CYP2B6: variants seen among roughly 807,000 people sequenced by gnomAD.
CYP2B6 encodes cytochrome P450 2B6.
In CYP2B6, 35 loss-of-function variants were observed where a neutral mutation model predicts 43.4. That is an observed-to-expected ratio of 0.81 (90% CI 0.62 to 1.07). The LOEUF (loss-of-function observed/expected upper bound fraction) is 1.07, where lower values mean the gene tolerates loss of function less well. CYP2B6 is among the 50% of genes least tolerant of loss of function. CYP2B6 has a pLI of 0.00. For missense variants in CYP2B6, 624 were observed against 632.8 expected (o/e 0.99, Z 0.15); for synonymous variants, 239 against 239.2 (o/e 1.00, Z 0.01).
chr19:41,010,756 GTACCCA>G (rs113535769), intron 6 of CYP2B6, among the ~76,000 whole-genome samples: 5 of 152,170 alleles, frequency 3.3e-5, no homozygotes, highest in African/African-American at 1.2e-4. Flanking sequence ...AGTGTACATT[GTACCCA>G]TTAAGTAATT....
intron 4 of CYP2B6, chr19:41,007,399 G>GGA: frequency 3.1e-6 from 1 of 320,406 alleles, no homozygotes; most frequent in East Asian, 6.6e-5. Context: ...TGAAAGAGAG[G>GGA]GAGAGAGAGA....
At chr19:41,013,085 A>C in intron 8 of CYP2B6, 3 of 464,364 alleles carry the variant, frequency 6.5e-6, no homozygotes, top group Non-Finnish European at 1.2e-5. Flanking sequence ...AAAAAGAAAA[A>C]ATCTGTTGGG....
chr19:41,006,113 A>T (rs1969179178), intron 3 of CYP2B6, among the ~76,000 whole-genome samples: 1 of 152,014 alleles, frequency 6.6e-6, no homozygotes, highest in Non-Finnish European at 1.5e-5. Flanking sequence ...TGGAAAGAAG[A>T]GATTAAGGGG....
chr19:40,997,568 T>C (rs1201414258), intron 1 of CYP2B6, among the ~76,000 whole-genome samples: 2 of 152,172 alleles, frequency 1.3e-5, no homozygotes, highest in African/African-American at 2.4e-5. Flanking sequence ...ACAGAATACA[T>C]GGACATACAA....
chr19:41,014,855 G>C (rs544998819), intron 8 of CYP2B6, among the ~76,000 whole-genome samples: 1 of 150,784 alleles, frequency 6.6e-6, no homozygotes, highest in Admixed American at 6.6e-5. Flanking sequence ...AGGAGAGAGA[G>C]TAGGAAAAGG....
At position 41,018,255 on chromosome 19, in the gene CYP2B6, T is replaced by C. The variant is rs1969401180; in HGVS notation, c.*1428T>C. On this transcript the variant is annotated 3_prime_UTR_variant, in exon 9 of 9. Transcript: ENST00000324071. ...CTCATTCCCAGCTGCCTCTTCCTACTGCTTCCGTCTATCAAAAAGCCCCCT... is the reference window on the plus strand; with the variant it reads ...CTCATTCCCAGCTGCCTCTTCCTACCGCTTCCGTCTATCAAAAAGCCCCCT... 1 of 152,374 alleles carries C rather than the reference T, an allele frequency of 6.6e-6. No individual in the cohort carries two copies. 9.4% of individuals were successfully genotyped at this position (152,374 alleles called of 1,614,324 possible).
At chr19:40,993,558 C>T (rs777062356) in intron 1 of CYP2B6, among the ~76,000 whole-genome samples, 5 of 152,190 alleles carry the variant, frequency 3.3e-5, no homozygotes, top group East Asian at 1.9e-4. Flanking sequence ...TGGGGGAAAC[C>T]GCCCCCAGGA....
intron 3 of CYP2B6, 146 bp downstream of exon 3, chr19:41,004,592 A>G (rs1325375870): frequency 5.1e-5 from 46 of 899,078 alleles, no homozygotes; most frequent in Non-Finnish European, 1.8e-6. Flanking sequence ...GGATAGAGAC[A>G]GAGAGGGAGA....
intron 8 of CYP2B6, among the ~76,000 whole-genome samples, chr19:41,016,434 AG>A (rs1969366913): frequency 2.1e-5 from 1 of 48,726 alleles, no homozygotes; most frequent in Non-Finnish European, 3.5e-5. Context: ...AAAAAAAAAA[AG>A]AGAGAGAGAG....
intron 6 of CYP2B6, among the ~76,000 whole-genome samples, chr19:41,010,744 A>G (rs1381669971): frequency 1.3e-5 from 2 of 152,048 alleles, no homozygotes; most frequent in Non-Finnish European, 2.9e-5. Context: ...TATCACCCAA[A>G]CAGTGTACAT....
Position 41,007,060 on chromosome 19 carries a change from G to T in CYP2B6, c.640G>T (p.Gly214Cys). The T allele has an allele frequency of 6.2e-7, 1 of 1,614,038 alleles. No individual in the cohort carries two copies. Among genetic ancestry groups the T allele is most frequent in the Non-Finnish European group, 8.5e-7 (1 of 1,180,014 alleles). The change falls in exon 4 of 9, where the codon GGC becomes TGC. Residue 214 changes from glycine to cysteine, a missense_variant. Coordinates refer to ENST00000324071, the MANE Select transcript of CYP2B6 (RefSeq NM_000767.5). The part of the protein sequence containing the change: ...QTFSLISSVF[G>C]QLFELFSGFL... The stretch of plus-strand genomic sequence containing the variant: ...TTTTTCACTCATCAGCTCTGTATTC[G>T]GCCAGGTCAGGGAGACGGAGAGGGA...
In CYP2B6 at chr19:41,001,757, T is replaced by C. The variant is rs149157605; in HGVS notation, c.172-2244T>C. Among the ~76,000 whole-genome samples the C allele has an allele frequency of 5.0e-3, 767 of 152,284 alleles. 9 individuals are homozygous for C. Among genetic ancestry groups the C allele is most frequent in the African/African-American group, 0.017 (701 of 41,528 alleles). On this transcript the variant is annotated intron_variant, in intron 1 of 8. Transcript: ENST00000324071. ...TAGTCTAGGAATTGATGATGTGGCA[T>C]CTTGGACAAGACATACGAGGTCACT...
At position 41,006,907 on chromosome 19, in the gene CYP2B6, G is replaced by T. The variant is rs921240176; in HGVS notation, c.487G>T (p.Ala163Ser). The T allele has an allele frequency of 6.2e-7, 1 of 1,613,332 alleles. No homozygotes were observed. Among genetic ancestry groups the T allele is most frequent in the African/African-American group, 1.3e-5 (1 of 74,916 alleles). The change falls in exon 4 of 9, where the codon GCC (alanine) becomes TCC (serine). Residue 163 changes from alanine to serine, a missense_variant and splice_region_variant. Transcript: ENST00000324071. The stretch of plus-strand genomic sequence containing the variant: ...CTTGACCTGCTGCTTCTTCCTAGGG[G>T]CCCTCATGGACCCCACCTTCCTCTT... ...LIEELRKSKG[A>S]LMDPTFLFQS...
intron 8 of CYP2B6, among the ~76,000 whole-genome samples, chr19:41,013,678 G>C (rs998705028): frequency 6.6e-6 from 1 of 152,208 alleles, no homozygotes; most frequent in African/African-American, 2.4e-5. Flanking sequence ...AGGTGGAAAA[G>C]GTCTTGACGT....
rs755215477 is a variant in CYP2B6, at chr19:40,991,408, C to A, written c.103C>A (p.Arg35Ser). ...NTHDRLPPGP[R>S]PLPLLGNLLQ... Reference sequence around the variant, plus strand: ...CCATGACCGCCTCCCACCAGGGCCCCGCCCTCTGCCCCTTTTGGGAAACCT... The same window carrying A: ...CCATGACCGCCTCCCACCAGGGCCCAGCCCTCTGCCCCTTTTGGGAAACCT... Residue 35 changes from arginine (R) to serine (S), a missense_variant, in exon 1 of 9, where the codon CGC becomes AGC. Physicochemically the swap from Arg to Ser is moderately radical, Grantham distance 110 (BLOSUM62 -1). Transcript: ENST00000324071. 6.2e-7 allele frequency: 1 copy of A among 1,614,086 alleles called. No individual in the cohort carries two copies. The highest frequency in any genetic ancestry group is 8.5e-7 in the Non-Finnish European group (1 of 1,180,008).
At position 40,996,619 on chromosome 19, in the gene CYP2B6, A is replaced by G. The variant is rs973647873; in HGVS notation, c.171+5143A>G. 9.9e-5 allele frequency among the ~76,000 whole-genome samples: 15 copies of G among 152,116 alleles called. 1 individual carries two copies. Among genetic ancestry groups the G allele is most frequent in the African/African-American group, 3.6e-4 (15 of 41,368 alleles). On this transcript the variant is annotated intron_variant, in intron 1 of 8. Coordinates refer to ENST00000324071, the MANE Select transcript of CYP2B6 (RefSeq NM_000767.5). ...AATATTAGTTATAAACCATTTAGTA[A>G]TCTTAGAATAGTCACCTCATCAATA... is the stretch of plus-strand genomic sequence containing the variant.
In CYP2B6 at chr19:41,016,810, C is replaced by G. The variant is rs3211371; in HGVS notation, c.1459C>G (p.Arg487Gly). The stretch of plus-strand genomic sequence containing the variant: ...CAAAATACCCCCAACATACCAGATC[C>G]GCTTCCTGCCCCGCTGAAGGGGCTG... ...VGKIPPTYQI[R>G]FLPR Residue 487 changes from arginine (R) to glycine (G), a missense_variant, in exon 9 of 9, where the codon CGC becomes GGC. By Grantham distance (125) the Arg-to-Gly change is moderately radical (BLOSUM62 -2). Transcript: ENST00000324071. 6.2e-7 allele frequency: 1 copy of G among 1,613,574 alleles called. No individual in the cohort carries two copies. Among genetic ancestry groups the G allele is most frequent in the Non-Finnish European group, 8.5e-7 (1 of 1,179,618 alleles).
At chr19:40,996,989 A>C (rs1370667416) in intron 1 of CYP2B6, among the ~76,000 whole-genome samples, 10 of 152,230 alleles carry the variant, frequency 6.6e-5, no homozygotes, top group African/African-American at 2.2e-4. Flanking sequence ...ATGGGCATGA[A>C]GAGGTGTCTG....
rs3745274 is a variant in CYP2B6, at chr19:41,006,936, G to T, written c.516G>T (p.Gln172His). The T allele has an allele frequency of 0.26, 413,763 of 1,613,508 alleles. 55,845 individuals carry two copies. Among genetic ancestry groups the T allele is most frequent in the South Asian group, 0.39 (35,230 of 91,058 alleles). ...GALMDPTFLF[Q>H]SITANIICSI... ...TCATGGACCCCACCTTCCTCTTCCA[G>T]TCCATTACCGCCAACATCATCTGCT... Residue 172 changes from glutamine (Q) to histidine (H), a missense_variant, in exon 4 of 9, where the codon CAG becomes CAT. Gln to His is a conservative substitution (Grantham distance 24, BLOSUM62 0). Coordinates refer to ENST00000324071, the MANE Select transcript of CYP2B6 (RefSeq NM_000767.5).
Sources: allele counts gnomAD v4.1 joint callset (sites outside exome capture counted in the v4.1 genomes callset), GRCh38; gene constraint gnomAD v4.1.1; transcripts MANE v1.5; gene names NCBI Gene and HGNC (gene_info 2026-07-23, HGNC 2026-07-21).